The following PPRC1 variants were observed in gnomAD, a reference collection of about 807,000 sequenced individuals.
The protein encoded by PPRC1 is PPARG related coactivator 1, also known as peroxisome proliferator-activated receptor gamma coactivator-related protein 1.
PPRC1 carries 23 observed loss-of-function variants against 132.5 expected under a neutral mutation model. The observed-to-expected ratio is 0.17, with a 90% CI of 0.12 to 0.25. The LOEUF is 0.25. Among genes scored for constraint, PPRC1 ranks in the 10% least tolerant of loss-of-function variants. PPRC1 has a pLI of 1.00. For synonymous variants in PPRC1, 872 were observed against 833.5 expected (o/e 1.05, Z -0.80); for missense variants, 2,006 against 2,089.1 (o/e 0.96, Z 0.78).
At chr10:102,124,912 C>T in the PPRC1 span, among the ~76,000 whole-genome samples, 1 of 151,984 alleles carries the variant, frequency 6.6e-6, no homozygotes, top group Admixed American at 6.6e-5. Flanking sequence ...TTCCAATGTG[C>T]TGGGATTACA....
chr10:102,121,944 C>G, the PPRC1 span, among the ~76,000 whole-genome samples: 1 of 152,060 alleles, frequency 6.6e-6, no homozygotes, highest in African/African-American at 2.4e-5. Flanking sequence ...TAGGTTTTTG[C>G]TGAGGGAGCA....
In PPRC1 at chr10:102,133,046, G is replaced by C; in HGVS notation, c.-23G>C. 1.6e-6 allele frequency: 2 copies of C among 1,240,134 alleles called. No homozygotes were observed. Among genetic ancestry groups the C allele is most frequent in the Non-Finnish European group, 2.0e-6 (2 of 987,948 alleles). 76.8% of individuals were successfully genotyped at this position (1,240,134 alleles called of 1,614,324 possible). On this transcript the variant is annotated 5_prime_UTR_variant, in exon 1 of 14. Coordinates refer to ENST00000278070, the MANE Select transcript of PPRC1 (RefSeq NM_015062.5). Reference sequence around the variant, plus strand: ...CGAGGCGGCGCCAGCGATCAGAGCAGCGCTGGGTGTTCAGGGGCCAAGATG... The same window carrying C: ...CGAGGCGGCGCCAGCGATCAGAGCACCGCTGGGTGTTCAGGGGCCAAGATG...
intron 8 of PPRC1, among the ~76,000 whole-genome samples, chr10:102,145,354 G>A (rs1390610742): frequency 6.6e-6 from 1 of 151,968 alleles, no homozygotes; most frequent in Non-Finnish European, 1.5e-5. Flanking sequence ...GATCACTTGA[G>A]GTCAGGAGTT....
At chr10:102,142,097 G>A (rs1336330983) in intron 5 of PPRC1, 93 bp downstream of exon 5, 1 of 1,417,104 alleles carries the variant, frequency 7.1e-7, no homozygotes. Flanking sequence ...GCCTTTGTTG[G>A]ATTTCTTTGG....
upstream of PPRC1, chr10:102,132,978 G>C (rs371906911): frequency 1.2e-5 from 15 of 1,231,318 alleles, no homozygotes; most frequent in African/African-American, 1.4e-4. Flanking sequence ...TAGTCTTGCA[G>C]TGTCATTCGG....
At position 102,139,086 on chromosome 10, in the gene PPRC1, C is replaced by T. The variant is rs765048524; in HGVS notation, c.592-14C>T. 3.1e-6 allele frequency: 5 copies of T among 1,607,626 alleles called. No homozygotes were observed. The East Asian group carries it at 8.9e-5, about 29-fold the overall frequency. ...AAAGAAAACTCCTCCTGAGACCTCT[C>T]TTCTCTCCTGCAGGTTGAAATGTCT... On this transcript the variant is annotated splice_polypyrimidine_tract_variant and intron_variant, in intron 4 of 13. Coordinates refer to ENST00000278070, the MANE Select transcript of PPRC1 (RefSeq NM_015062.5).
At chr10:102,142,755 G>A (rs2069051538) in intron 5 of PPRC1, among the ~76,000 whole-genome samples, 1 of 152,068 alleles carries the variant, frequency 6.6e-6, no homozygotes, top group Admixed American at 6.6e-5. Context: ...GTGTTGCCCA[G>A]GCTGGACTTG....
chr10:102,137,805 G>A, intron 1 of PPRC1, 45 bp from the exon 2 acceptor site: 2 of 1,563,736 alleles, frequency 1.3e-6, no homozygotes, highest in Non-Finnish European at 1.7e-6. Flanking sequence ...ATTATCAGCT[G>A]CTGCCAGAGA....
rs2133697526 is a variant in PPRC1, at chr10:102,145,102, G to C, written c.3679+12G>C. ...GGCCAACGTGGCAGGTGGGTTCAGGGTGGGGAATTCTGCCTGTGATTAGTC... is the reference window on the plus strand; with the variant it reads ...GGCCAACGTGGCAGGTGGGTTCAGGCTGGGGAATTCTGCCTGTGATTAGTC... On this transcript the variant is annotated intron_variant, in intron 8 of 13. Transcript: ENST00000278070. 1 of 1,608,738 alleles carries C rather than the reference G, an allele frequency of 6.2e-7. No homozygotes were observed. The highest frequency in any genetic ancestry group is 8.5e-7 in the Non-Finnish European group (1 of 1,175,166).
At chr10:102,120,653 T>G in the PPRC1 span, among the ~76,000 whole-genome samples, 1 of 152,086 alleles carries the variant, frequency 6.6e-6, no homozygotes, top group African/African-American at 2.4e-5. Flanking sequence ...GGGAACGGCA[T>G]GCATGTGACG....
chr10:102,148,772 G>T lies in PPRC1; in HGVS notation c.4618-45G>T. ...GCTCAGAGAGCTGCCTGCAGCTGTA[G>T]CCCTGGCTAATGGTGTGTTGATTTT... On this transcript the variant is annotated intron_variant, in intron 11 of 13. Coordinates refer to ENST00000278070, the MANE Select transcript of PPRC1 (RefSeq NM_015062.5). This position sits in a 1 kb window ranked among gnomAD's most constrained non-coding sequence, Gnocchi z 4.2. The T allele has an allele frequency of 1.2e-6, 2 of 1,614,194 alleles. No individual in the cohort carries two copies. The highest frequency in any genetic ancestry group is 1.7e-6 in the Non-Finnish European group (2 of 1,180,022).
At chr10:102,127,020 CATATATATATATATATATATATAT>C in the PPRC1 span, among the ~76,000 whole-genome samples, 67 of 87,950 alleles carry the variant, frequency 7.6e-4, 2 homozygotes, top group South Asian at 0.012. Flanking sequence ...GGTTTTTTAT[CATATATATATATATATATATATAT>C]ATATATATAT....
At chr10:102,126,071 A>G in the PPRC1 span, among the ~76,000 whole-genome samples, 1 of 152,088 alleles carries the variant, frequency 6.6e-6, no homozygotes, top group Non-Finnish European at 1.5e-5. Context: ...CATGTTGGTC[A>G]GGCTCATCTC....
chr10:102,145,549 G>A (rs1268135683), intron 8 of PPRC1, among the ~76,000 whole-genome samples: 2 of 138,320 alleles, frequency 1.4e-5, no homozygotes, highest in African/African-American at 5.4e-5. Context: ...CCAGCCTGGG[G>A]GACAGAGCAA....
chr10:102,123,551 G>A, the PPRC1 span, among the ~76,000 whole-genome samples: 1 of 151,772 alleles, frequency 6.6e-6, no homozygotes, highest in Admixed American at 6.6e-5. Flanking sequence ...TTTTTTAGAC[G>A]GAGTCTTGCG....
In PPRC1 at chr10:102,139,371, C is replaced by G. The variant is rs749253343; in HGVS notation, c.863C>G (p.Thr288Arg). ...LACPEEEDKATAAEMAVPAAG... is the reference protein window; with the variant it reads ...LACPEEEDKARAAEMAVPAAG... ...TGCCCTGAGGAGGAAGATAAAGCAA[C>G]AGCAGCAGAGATGGCAGTGCCAGCA... Residue 288 changes from threonine (T) to arginine (R), a missense_variant, in exon 5 of 14, where the codon ACA (threonine) becomes AGA (arginine). Thr to Arg is a moderately conservative substitution (Grantham distance 71). Transcript: ENST00000278070. 1 of 1,614,114 alleles carries G rather than the reference C, an allele frequency of 6.2e-7. No individual in the cohort carries two copies. Among genetic ancestry groups the G allele is most frequent in the Admixed American group, 1.7e-5 (1 of 59,998 alleles).
In PPRC1 at chr10:102,148,088, T is replaced by A. The variant is rs1454515925; in HGVS notation, c.4401-284T>A. The stretch of plus-strand genomic sequence containing the variant: ...CTCTCCCTGAGTCTCCATTTATTGT[T>A]CTTCCTCTTTCTGATTTGTTAAATA... On this transcript the variant is annotated intron_variant, in intron 9 of 13. Transcript: ENST00000278070. This position sits in a 1 kb window ranked among gnomAD's most constrained non-coding sequence, Gnocchi z 4.2. 2.0e-5 allele frequency among the ~76,000 whole-genome samples: 3 copies of A among 152,196 alleles called. No individual in the cohort carries two copies. Among genetic ancestry groups the A allele is most frequent in the Non-Finnish European group, 4.4e-5 (3 of 68,032 alleles).
chr10:102,124,070 TC>T, the PPRC1 span, among the ~76,000 whole-genome samples: 2 of 151,396 alleles, frequency 1.3e-5, no homozygotes, highest in Non-Finnish European at 2.9e-5. Context: ...TAAACTTTAT[TC>T]TTTTTTTTTT....
intron 1 of PPRC1, among the ~76,000 whole-genome samples, chr10:102,137,488 T>C (rs1165531128): frequency 6.6e-6 from 1 of 152,208 alleles, no homozygotes; most frequent in African/African-American, 2.4e-5. Context: ...AGCTGTCTCC[T>C]TGCTGACCTC....
Sources: allele counts gnomAD v4.1 joint callset (sites outside exome capture counted in the v4.1 genomes callset), GRCh38; gene constraint gnomAD v4.1.1; non-coding constraint Gnocchi (gnomAD v3.1); transcripts MANE v1.5; gene names NCBI Gene and HGNC (gene_info 2026-07-23, HGNC 2026-07-21).